CDH13: variants seen among roughly 807,000 people sequenced by gnomAD.
CDH13 encodes cadherin-13.
CDH13 carries 24 observed loss-of-function variants against 63.8 expected under a neutral mutation model. The ratio of observed to expected loss-of-function variants is 0.38; its 90% CI spans 0.27 to 0.53. The LOEUF is 0.53. CDH13 is among the 20% of genes least tolerant of loss of function. The pLI is 0.85. For missense variants in CDH13, 1,049 were observed against 903.1 expected, an observed-to-expected ratio of 1.16 and a Z score of -2.07; for synonymous variants, 503 against 355.3, an observed-to-expected ratio of 1.42 and a Z score of -4.67.
intron 7 of CDH13, among the ~76,000 whole-genome samples, chr16:83,598,628 A>G (rs985951757): frequency 1.4e-4 from 22 of 152,144 alleles, no homozygotes; most frequent in African/African-American, 5.3e-4. Context: ...GAACATCTGA[A>G]TCAAGTGTCT....
chr16:83,377,361 C>G (rs1172013177), intron 6 of CDH13, among the ~76,000 whole-genome samples: 2 of 152,160 alleles, frequency 1.3e-5, no homozygotes, highest in Non-Finnish European at 2.9e-5. Context: ...AAAGCCTGGT[C>G]CATCTCTTCC....
intron 1 of CDH13, chr16:82,637,863 G>C (rs942935121): frequency 1.3e-5 from 2 of 152,344 alleles, no homozygotes; most frequent in African/African-American, 2.4e-5. Context: ...CCTGGGGCCC[G>C]TGTCTTCACT....
At chr16:83,118,468 C>A (rs141820684) in intron 3 of CDH13, among the ~76,000 whole-genome samples, 3 of 152,054 alleles carry the variant, frequency 2.0e-5, no homozygotes, top group Admixed American at 6.6e-5. Flanking sequence ...CATCTGCACG[C>A]GTCTAGTAAA....
intron 5 of CDH13, among the ~76,000 whole-genome samples, chr16:83,218,084 A>G (rs905931608): frequency 2.0e-5 from 3 of 152,218 alleles, no homozygotes; most frequent in Non-Finnish European, 4.4e-5. Flanking sequence ...TGAGGTGTAT[A>G]TGTTTAACAA....
chr16:83,264,020 C>G (rs1046353973), intron 5 of CDH13, among the ~76,000 whole-genome samples: 1 of 152,198 alleles, frequency 6.6e-6, no homozygotes, highest in Non-Finnish European at 1.5e-5. Context: ...AAGTACCCAA[C>G]CTATTGTGGC....
In CDH13 at chr16:83,129,016, G is replaced by C. The variant is rs148752773; in HGVS notation, c.483+3515G>C. The stretch of plus-strand genomic sequence containing the variant: ...TGTCCCTGCTTTTTATGCCTTTGAA[G>C]GTACGTATTTTCCTTTTTGTTCCTG... On this transcript the variant is annotated intron_variant, in intron 4 of 13. Transcript: ENST00000567109. Among the ~76,000 whole-genome samples the C allele has an allele frequency of 8.5e-5, 13 of 152,236 alleles. No individual in the cohort carries two copies. In the East Asian group the frequency reaches 2.5e-3, roughly 29 times the overall value.
chr16:82,900,494 G>C (rs560135846), intron 2 of CDH13, among the ~76,000 whole-genome samples: 1 of 152,288 alleles, frequency 6.6e-6, no homozygotes, highest in African/African-American at 2.4e-5. Flanking sequence ...TCTTGAAAAA[G>C]CAAGAGATAA....
intron 1 of CDH13, among the ~76,000 whole-genome samples, chr16:82,786,686 G>T (rs1368463842): frequency 1.6e-5 from 2 of 121,636 alleles, no homozygotes; most frequent in East Asian, 4.7e-4. Flanking sequence ...CCCAGTGTGT[G>T]ATGTTCCCCA....
rs1390306764 is a variant in CDH13, at chr16:83,276,059, G to A, written c.636+58562G>A. Among the ~76,000 whole-genome samples the A allele has an allele frequency of 2.6e-5, 4 of 152,248 alleles. No individual in the cohort carries two copies. In the East Asian group the frequency reaches 5.8e-4, roughly 22 times the overall value. ...ATTAGAACCTGAACACCTAGGCCAA[G>A]ACTGATTTACAGGATCATAGCACAT... On this transcript the variant is annotated intron_variant, in intron 5 of 13. Coordinates refer to ENST00000567109, the MANE Select transcript of CDH13 (RefSeq NM_001257.5).
chr16:83,238,353 G>A (rs181253297), intron 5 of CDH13, among the ~76,000 whole-genome samples: 5 of 152,254 alleles, frequency 3.3e-5, no homozygotes, highest in Admixed American at 1.3e-4. Context: ...CAGGGGAACT[G>A]CCCTTTATAA....
intron 1 of CDH13, among the ~76,000 whole-genome samples, chr16:82,636,885 C>T (rs1395876559): frequency 6.6e-6 from 1 of 152,192 alleles, no homozygotes; most frequent in African/African-American, 2.4e-5. Flanking sequence ...ACAAGGGGCT[C>T]TTGCTACCTG....
At chr16:83,303,108 C>G (rs1047298130) in intron 5 of CDH13, among the ~76,000 whole-genome samples, 5 of 152,142 alleles carry the variant, frequency 3.3e-5, no homozygotes, top group African/African-American at 7.2e-5. Flanking sequence ...TATCTGTCAT[C>G]TTTGGGAGGA....
At chr16:83,297,751 C>T (rs1429816393) in intron 5 of CDH13, among the ~76,000 whole-genome samples, 2 of 152,010 alleles carry the variant, frequency 1.3e-5, no homozygotes, top group African/African-American at 4.8e-5. Context: ...AATATATATC[C>T]TATGGATGAA....
intron 8 of CDH13, among the ~76,000 whole-genome samples, chr16:83,656,750 A>G (rs914032697): frequency 6.6e-6 from 1 of 152,228 alleles, no homozygotes; most frequent in Admixed American, 6.5e-5. Context: ...CAGTTTTGGC[A>G]ATATCACAGC....
At chr16:83,414,519 C>A (rs1482069908) in intron 6 of CDH13, among the ~76,000 whole-genome samples, 1 of 152,046 alleles carries the variant, frequency 6.6e-6, no homozygotes, top group Admixed American at 6.6e-5. Context: ...ATTGCTAGAA[C>A]CCCTTCATCT....
chr16:83,042,901 G>A (rs903722732), intron 3 of CDH13, among the ~76,000 whole-genome samples: 1 of 152,158 alleles, frequency 6.6e-6, no homozygotes, highest in African/African-American at 2.4e-5. Flanking sequence ...TAAAGATGTG[G>A]ACACTTAATA....
intron 4 of CDH13, among the ~76,000 whole-genome samples, chr16:83,184,529 T>G (rs1318994935): frequency 6.6e-6 from 1 of 151,918 alleles, no homozygotes; most frequent in Non-Finnish European, 1.5e-5. Flanking sequence ...CTGAGGTGGG[T>G]GGATCAACTG....
At chr16:83,226,120 C>T (rs2039830037) in intron 5 of CDH13, among the ~76,000 whole-genome samples, 1 of 152,132 alleles carries the variant, frequency 6.6e-6, no homozygotes, top group South Asian at 2.1e-4. Context: ...GTTCACAGCC[C>T]CTCCCTACCC....
intron 10 of CDH13, among the ~76,000 whole-genome samples, chr16:83,687,903 C>CTT (rs1904472524): frequency 6.6e-6 from 1 of 152,232 alleles, no homozygotes; most frequent in African/African-American, 2.4e-5. Context: ...ATACTCATCT[C>CTT]TTTGAAAACT....
Sources: gnomAD v4.1 joint callset for allele counts (sites outside exome capture counted in the v4.1 genomes callset) on GRCh38, gnomAD v4.1.1 for gene constraint, MANE v1.5 for transcripts, NCBI Gene and HGNC (gene_info 2026-07-23, HGNC 2026-07-21) for gene names.